Variants in MAP1LC3B observed in about 807,000 individuals in gnomAD.
The protein encoded by MAP1LC3B is microtubule-associated protein 1 light chain 3 beta.
A neutral mutation model predicts 16.7 loss-of-function variants in MAP1LC3B; 12 were observed. That is an observed-to-expected ratio of 0.72 (90% CI 0.46 to 1.16). The LOEUF (loss-of-function observed/expected upper bound fraction) is 1.16, where lower values mean the gene tolerates loss of function less well. Among genes scored for constraint, MAP1LC3B ranks in the 50% most tolerant of loss-of-function variants. MAP1LC3B has a pLI of 0.00. For missense variants in MAP1LC3B, 155 were observed against 159.5 expected, an observed-to-expected ratio of 0.97 and a Z score of 0.15; for synonymous variants, 63 against 56.5, an observed-to-expected ratio of 1.11 and a Z score of -0.51.
At position 87,398,874 on chromosome 16, in the gene MAP1LC3B, G is replaced by C; in HGVS notation, c.96+4G>C. 1 of 1,613,642 alleles carries C rather than the reference G, an allele frequency of 6.2e-7. No individual in the cohort carries two copies. Among genetic ancestry groups the C allele is most frequent in the South Asian group, 1.1e-5 (1 of 91,080 alleles). Reference sequence around the variant, plus strand: ...GCAGCATCCAACCAAAATCCCGGTAGGTAGTCTCAGGCCTCGGTTTCAGTC... The same window carrying C: ...GCAGCATCCAACCAAAATCCCGGTACGTAGTCTCAGGCCTCGGTTTCAGTC... On this transcript the variant is annotated splice_donor_region_variant and intron_variant, in intron 2 of 3. Transcript: ENST00000268607.
chr16:87,403,948 A>G lies in MAP1LC3B; in HGVS notation c.*851A>G, dbSNP rs1314186789. 6.6e-6 allele frequency: 1 copy of G among 152,220 alleles called. No individual in the cohort carries two copies. The highest frequency in any genetic ancestry group is 1.5e-5 in the Non-Finnish European group (1 of 68,040). The allele number at this position is 152,220 out of a possible 1,614,324, so 9.4% of individuals were successfully genotyped here. On this transcript the variant is annotated 3_prime_UTR_variant, in exon 4 of 4. Transcript: ENST00000268607. ...TCTGGAGTACAGCGGGAGAAACACA[A>G]AATAGTATAACTGAAAACATTAACA...
In MAP1LC3B at chr16:87,404,079, C is replaced by G. The variant is rs1466616706; in HGVS notation, c.*982C>G. The G allele has an allele frequency of 5.9e-5, 9 of 152,120 alleles. No individual in the cohort carries two copies. Among genetic ancestry groups the G allele is most frequent in the African/African-American group, 2.2e-4 (9 of 41,418 alleles). The allele number at this position is 152,120 out of a possible 1,614,324, so 9.4% of individuals were successfully genotyped here. The stretch of plus-strand genomic sequence containing the variant: ...CTCAGTATTACTGAAAAGGTACCCA[C>G]ATTTTGAATAGTAGTTATCACTCTT... On this transcript the variant is annotated 3_prime_UTR_variant, in exon 4 of 4. Transcript: ENST00000268607.
intron 1 of MAP1LC3B, among the ~76,000 whole-genome samples, chr16:87,393,797 G>C (rs1907699130): frequency 6.6e-6 from 1 of 152,190 alleles, no homozygotes; most frequent in Non-Finnish European, 1.5e-5. Context: ...CTGGAGTGCA[G>C]TGGTGCAATC....
chr16:87,393,359 G>T (rs1444102893), intron 1 of MAP1LC3B: 1 of 152,226 alleles, frequency 6.6e-6, no homozygotes, highest in East Asian at 1.9e-4. Flanking sequence ...CGGTTTGGAA[G>T]GGAAGCACCG....
rs1376155603 is a variant in MAP1LC3B at position 87,392,463 on chromosome 16, C to G, written c.36C>G (p.Thr12=). The G allele has an allele frequency of 7.4e-7, 1 of 1,351,094 alleles. No individual in the cohort carries two copies. Among genetic ancestry groups the G allele is most frequent in the East Asian group, 3.1e-5 (1 of 32,480 alleles). The allele number at this position is 1,351,094 out of a possible 1,614,324, so 83.7% of individuals were successfully genotyped here. A position where few individuals can be genotyped will look rare whatever the true frequency, so the allele number is the denominator to read the frequency against. The change falls in exon 1 of 4, where the codon ACC becomes ACG. Residue 12 remains threonine (T), a synonymous_variant. Coordinates refer to ENST00000268607, the MANE Select transcript of MAP1LC3B (RefSeq NM_022818.5). ...AGAAGACCTTCAAGCAGCGCCGCAC[C>G]TTCGGTGAGTGTCGCCGCGAGGGCG... ...PSEKTFKQRR[T]FEQRVEDVRL... is the part of the protein sequence containing the mutation.
At chr16:87,402,077 T>C in intron 2 of MAP1LC3B, 98 bp from the exon 3 acceptor site, 1 of 1,110,460 alleles carries the variant, frequency 9.0e-7, no homozygotes, top group Non-Finnish European at 1.3e-6. Flanking sequence ...CCTCGTGATG[T>C]GCCCGCCTCG....
At chr16:87,396,251 G>A (rs193215178) in intron 1 of MAP1LC3B, among the ~76,000 whole-genome samples, 3 of 151,810 alleles carry the variant, frequency 2.0e-5, no homozygotes, top group East Asian at 3.9e-4. Flanking sequence ...CAAGGTGGGC[G>A]GATCACAAGG....
intron 3 of MAP1LC3B, 190 bp from the exon 4 acceptor site, chr16:87,402,733 A>C: frequency 1.4e-6 from 1 of 704,690 alleles, no homozygotes; most frequent in Non-Finnish European, 2.3e-6. Context: ...CCTAATATGT[A>C]ATCTTTCAGT....
chr16:87,392,358 C>T lies in MAP1LC3B; in HGVS notation c.-70C>T. On this transcript the variant is annotated 5_prime_UTR_variant, in exon 1 of 4. Transcript: ENST00000268607. ...GCCAGAGTCGGATTCGCCGCCGCAG[C>T]AGCCGCCGCCCCCGGGAGCCGCCGG... 1 of 1,353,916 alleles carries T rather than the reference C, an allele frequency of 7.4e-7. No individual in the cohort carries two copies. Among genetic ancestry groups the T allele is most frequent in the Non-Finnish European group, 9.5e-7 (1 of 1,055,708 alleles). The allele number at this position is 1,353,916 out of a possible 1,614,324, so 83.9% of individuals were successfully genotyped here.
At chr16:87,402,418 TATG>T in intron 3 of MAP1LC3B, 137 bp downstream of exon 3, 1 of 818,108 alleles carries the variant, frequency 1.2e-6, no homozygotes, top group Non-Finnish European at 1.9e-6. Flanking sequence ...CTGATTCAGT[TATG>T]ATTAAAACAA....
intron 2 of MAP1LC3B, 122 bp from the exon 3 acceptor site, chr16:87,402,053 T>A (rs550900703): frequency 6.3e-6 from 5 of 792,340 alleles, no homozygotes; most frequent in Non-Finnish European, 8.2e-6. Context: ...GCCAGGGTGG[T>A]CTCAGTCTCC....
intron 1 of MAP1LC3B, among the ~76,000 whole-genome samples, chr16:87,395,514 C>A (rs1907767421): frequency 6.6e-6 from 1 of 152,136 alleles, no homozygotes; most frequent in Non-Finnish European, 1.5e-5. Flanking sequence ...GTTGATAATG[C>A]TTTTGTTAAA....
rs1269454899 is a variant in MAP1LC3B at position 87,403,489 on chromosome 16, A to G, written c.*392A>G. 5.9e-6 allele frequency: 1 copy of G among 170,916 alleles called. No homozygotes were observed. Among genetic ancestry groups the G allele is most frequent in the Non-Finnish European group, 1.3e-5 (1 of 75,676 alleles). The allele number at this position is 170,916 out of a possible 1,614,324, so 10.6% of individuals were successfully genotyped here. ...GACCCTGAGTCTTCTCTTCAGGTTCACAAAACCCGCCGCCTTTTTGGGTAG... is the reference window on the plus strand; with the variant it reads ...GACCCTGAGTCTTCTCTTCAGGTTCGCAAAACCCGCCGCCTTTTTGGGTAG... On this transcript the variant is annotated 3_prime_UTR_variant, in exon 4 of 4. Transcript: ENST00000268607.
In MAP1LC3B at chr16:87,392,403, C is replaced by T. The variant is rs1169547249; in HGVS notation, c.-25C>T. 2.1e-6 allele frequency: 3 copies of T among 1,420,728 alleles called. No individual in the cohort carries two copies. The highest frequency in any genetic ancestry group is 2.7e-6 in the Non-Finnish European group (3 of 1,096,008). The allele number at this position is 1,420,728 out of a possible 1,614,324, so 88.0% of individuals were successfully genotyped here. A position where few individuals can be genotyped will look rare whatever the true frequency, so the allele number is the denominator to read the frequency against. On this transcript the variant is annotated 5_prime_UTR_variant, in exon 1 of 4. Coordinates refer to ENST00000268607, the MANE Select transcript of MAP1LC3B (RefSeq NM_022818.5). ...CGCCGGGACCCTCGCGTCGTCGCCG[C>T]CGCCGCCGCCCAGATCCCTGCACCA...
intron 1 of MAP1LC3B, among the ~76,000 whole-genome samples, chr16:87,394,570 G>A (rs1907733824): frequency 6.6e-6 from 1 of 152,174 alleles, no homozygotes; most frequent in African/African-American, 2.4e-5. Context: ...CCTTCCTTTT[G>A]TAGCTAAAGA....
chr16:87,402,254 A>G lies in MAP1LC3B; in HGVS notation c.176A>G (p.Asn59Ser). The G allele has an allele frequency of 6.2e-7, 1 of 1,614,202 alleles. No homozygotes were observed. Residue 59 changes from asparagine to serine, a missense_variant, in exon 3 of 4, where the codon AAC becomes AGC. By Grantham distance (46) the Asn-to-Ser change is conservative. Transcript: ENST00000268607. ...KTKFLVPDHV[N>S]MSELIKIIRR... ...AAGTTCCTTGTACCTGACCATGTCAACATGAGTGAGCTCATCAAGATAATT... is the reference window on the plus strand; with the variant it reads ...AAGTTCCTTGTACCTGACCATGTCAGCATGAGTGAGCTCATCAAGATAATT...
Position 87,402,985 on chromosome 16 carries a change from T to C in MAP1LC3B, c.266T>C (p.Val89Ala), listed in dbSNP as rs1253481208. The C allele has an allele frequency of 6.2e-7, 1 of 1,613,930 alleles. No homozygotes were observed. Among genetic ancestry groups the C allele is most frequent in the Non-Finnish European group, 8.5e-7 (1 of 1,179,918 alleles). ...CTGTTGGTGAACGGACACAGCATGG[T>C]CAGCGTCTCCACACCAATCTCAGAG... Reference protein sequence around the residue: ...FFLLVNGHSMVSVSTPISEVY... With the variant: ...FFLLVNGHSMASVSTPISEVY... The change falls in exon 4 of 4, where the codon GTC (valine) becomes GCC (alanine). Residue 89 changes from valine to alanine, a missense_variant. Transcript: ENST00000268607.
intron 2 of MAP1LC3B, among the ~76,000 whole-genome samples, chr16:87,401,601 C>T (rs1458208312): frequency 6.6e-6 from 1 of 152,208 alleles, no homozygotes; most frequent in Admixed American, 6.5e-5. Flanking sequence ...GGCGCAACCT[C>T]AGCTCACTGC....
chr16:87,392,672 C>G (rs1311723533), intron 1 of MAP1LC3B: 3 of 285,658 alleles, frequency 1.1e-5, no homozygotes, highest in Non-Finnish European at 1.7e-5. Context: ...GGGCCAGGGG[C>G]TGGTCTGGGC....
Sources: allele counts gnomAD v4.1 joint callset (sites outside exome capture counted in the v4.1 genomes callset), GRCh38; gene constraint gnomAD v4.1.1; transcripts MANE v1.5; gene names NCBI Gene and HGNC (gene_info 2026-07-23, HGNC 2026-07-21).